HMGCLL1: variants seen among roughly 807,000 people sequenced by gnomAD.
HMGCLL1 encodes the protein 3-hydroxymethyl-3-methylglutaryl-CoA lyase, cytoplasmic.
HMGCLL1 carries 36 observed loss-of-function variants against 39.1 expected under a neutral mutation model. That is an observed-to-expected ratio of 0.92 (90% CI 0.71 to 1.22). The LOEUF (loss-of-function observed/expected upper bound fraction) is 1.22, where lower values mean the gene tolerates loss of function less well. Among genes scored for constraint, HMGCLL1 ranks in the 50% most tolerant of loss-of-function variants. HMGCLL1 has a pLI of 0.00. For synonymous variants in HMGCLL1, 149 were observed against 144.0 expected (o/e 1.03, Z -0.25); for missense variants, 451 against 416.5 (o/e 1.08, Z -0.72).
chr6:55,621,426 A>G, the HMGCLL1 span, among the ~76,000 whole-genome samples: 1 of 151,998 alleles, frequency 6.6e-6, no homozygotes. Flanking sequence ...CTGTATTTAT[A>G]GCTGCTCCCC....
the HMGCLL1 span, among the ~76,000 whole-genome samples, chr6:55,606,616 A>T: frequency 2.6e-5 from 4 of 152,186 alleles, no homozygotes; most frequent in Non-Finnish European, 5.9e-5. Context: ...GATGATCTAC[A>T]TTTCTACATC....
chr6:55,585,568 T>C, the HMGCLL1 span, among the ~76,000 whole-genome samples: 2 of 152,108 alleles, frequency 1.3e-5, no homozygotes, highest in Non-Finnish European at 2.9e-5. Flanking sequence ...TGAAACTGTA[T>C]CAAGTACTAT....
intron 1 of HMGCLL1, among the ~76,000 whole-genome samples, chr6:55,557,759 G>C (rs1770747765): frequency 6.6e-6 from 1 of 152,016 alleles, no homozygotes; most frequent in Non-Finnish European, 1.5e-5. Flanking sequence ...CCTAAATCTA[G>C]CCCTGCTTAA....
chr6:55,487,861 A>C (rs1766118641), intron 7 of HMGCLL1, among the ~76,000 whole-genome samples: 1 of 151,956 alleles, frequency 6.6e-6, no homozygotes, highest in Non-Finnish European at 1.5e-5. Flanking sequence ...AACAAGAAAT[A>C]CTTCACCCCA....
At chr6:55,617,537 T>C in the HMGCLL1 span, among the ~76,000 whole-genome samples, 6 of 152,086 alleles carry the variant, frequency 3.9e-5, no homozygotes, top group African/African-American at 1.2e-4. Flanking sequence ...ACTGAAGATA[T>C]CATACTAAGC....
rs541805528 is a variant in HMGCLL1 at position 55,555,549 on chromosome 6, G to A, written c.109-13409C>T. On this transcript the variant is annotated intron_variant, in intron 1 of 8. Coordinates refer to ENST00000274901, the MANE Select transcript of HMGCLL1 (RefSeq NM_001042406.2). ...CTGCTGTGTCCCAATCTTTAGAACC[G>A]ATCCTGTTGTATAGCACACACTCAG... Among the ~76,000 whole-genome samples the A allele has an allele frequency of 1.2e-4, 18 of 152,208 alleles. No individual in the cohort carries two copies. In the South Asian group the frequency reaches 3.3e-3, roughly 28 times the overall value.
At chr6:55,665,490 A>G in the HMGCLL1 span, among the ~76,000 whole-genome samples, 1 of 151,704 alleles carries the variant, frequency 6.6e-6, no homozygotes. Context: ...ATTGAGGAAT[A>G]TAAGACTAGG....
chr6:55,500,886 A>G (rs1766847523), intron 5 of HMGCLL1, among the ~76,000 whole-genome samples: 2 of 151,994 alleles, frequency 1.3e-5, no homozygotes, highest in Admixed American at 1.3e-4. Flanking sequence ...AAACATCTAG[A>G]TGTGAGTAAA....
intron 1 of HMGCLL1, among the ~76,000 whole-genome samples, chr6:55,571,916 G>T (rs1771518249): frequency 1.3e-5 from 2 of 152,042 alleles, no homozygotes; most frequent in South Asian, 4.1e-4. Context: ...TACATTTAAA[G>T]CAAAACAATA....
chr6:55,573,160 T>C (rs9296795), intron 1 of HMGCLL1, among the ~76,000 whole-genome samples: 78,905 of 152,024 alleles, frequency 0.52, 20,909 homozygotes, highest in African/African-American at 0.62. Flanking sequence ...GTAAAGCCCT[T>C]ACAAGTAAAG....
At chr6:55,674,016 T>C in the HMGCLL1 span, among the ~76,000 whole-genome samples, 2 of 151,946 alleles carry the variant, frequency 1.3e-5, no homozygotes, top group Non-Finnish European at 2.9e-5. Context: ...TATCAATGAA[T>C]GCAAATGGAA....
chr6:55,646,259 T>C, the HMGCLL1 span, among the ~76,000 whole-genome samples: 1 of 151,872 alleles, frequency 6.6e-6, no homozygotes, highest in Non-Finnish European at 1.5e-5. Context: ...TCATCTCAAA[T>C]TTTATTTATT....
chr6:55,616,699 A>C, the HMGCLL1 span, among the ~76,000 whole-genome samples: 1 of 152,172 alleles, frequency 6.6e-6, no homozygotes, highest in East Asian at 1.9e-4. Flanking sequence ...AGTCAAGTAC[A>C]GTCTTAACTC....
chr6:55,581,994 G>T (rs1581975412), upstream of HMGCLL1, among the ~76,000 whole-genome samples: 1 of 152,132 alleles, frequency 6.6e-6, no homozygotes, highest in East Asian at 1.9e-4. Context: ...CCACCAATCT[G>T]TCAACAAGTG....
chr6:55,649,300 T>C, the HMGCLL1 span, among the ~76,000 whole-genome samples: 1 of 152,136 alleles, frequency 6.6e-6, no homozygotes, highest in African/African-American at 2.4e-5. Context: ...CTTTTGTTCA[T>C]CTCAGAAGGT....
chr6:55,517,703 A>G (rs1767814942), intron 3 of HMGCLL1, among the ~76,000 whole-genome samples: 1 of 152,050 alleles, frequency 6.6e-6, no homozygotes, highest in South Asian at 2.1e-4. Context: ...AATACATGTT[A>G]CAATATTTAC....
chr6:55,564,657 G>T (rs1467229400), intron 1 of HMGCLL1, among the ~76,000 whole-genome samples: 1 of 152,038 alleles, frequency 6.6e-6, no homozygotes, highest in East Asian at 1.9e-4. Flanking sequence ...TATAAATGCA[G>T]TAATACATTT....
intron 7 of HMGCLL1, among the ~76,000 whole-genome samples, chr6:55,466,621 T>C (rs1235478841): frequency 6.6e-6 from 1 of 152,062 alleles, no homozygotes; most frequent in East Asian, 1.9e-4. Context: ...TGGCCTTCCA[T>C]GTTAAGTCAA....
At chr6:55,636,404 A>G in the HMGCLL1 span, among the ~76,000 whole-genome samples, 11 of 152,286 alleles carry the variant, frequency 7.2e-5, no homozygotes, top group East Asian at 2.1e-3. Flanking sequence ...CTCACTAAGA[A>G]CAAAGGGTCT....
Sources: allele counts gnomAD v4.1 joint callset (sites outside exome capture counted in the v4.1 genomes callset), GRCh38; gene constraint gnomAD v4.1.1; transcripts MANE v1.5; gene names NCBI Gene and HGNC (gene_info 2026-07-23, HGNC 2026-07-21).